Variants in GALNT2 observed in about 807,000 individuals in gnomAD.
GALNT2 encodes the protein polypeptide N-acetylgalactosaminyltransferase 2.
A neutral mutation model predicts 81.4 loss-of-function variants in GALNT2; 31 were observed. The ratio of observed to expected loss-of-function variants is 0.38; its 90% CI spans 0.29 to 0.51. GALNT2 has a LOEUF of 0.51. GALNT2 is among the 20% of genes least tolerant of loss of function. GALNT2 has a pLI of 0.87. For synonymous variants in GALNT2, 303 were observed against 287.4 expected, an observed-to-expected ratio of 1.05 and a Z score of -0.55; for missense variants, 629 against 765.7, an observed-to-expected ratio of 0.82 and a Z score of 2.11.
At chr1:230,210,744 T>C (rs1664208843) in intron 3 of GALNT2, among the ~76,000 whole-genome samples, 1 of 152,234 alleles carries the variant, frequency 6.6e-6, no homozygotes, top group Non-Finnish European at 1.5e-5. Context: ...TAAGGGTGTA[T>C]TCTTTTATTT....
At chr1:230,069,336 A>G (rs1203468048) in intron 1 of GALNT2, among the ~76,000 whole-genome samples, 1 of 151,762 alleles carries the variant, frequency 6.6e-6, no homozygotes, top group Non-Finnish European at 1.5e-5. Flanking sequence ...AGGTACGGAG[A>G]CCAGGTAGAA....
At chr1:230,094,961 G>T (rs1048417710) in intron 1 of GALNT2, among the ~76,000 whole-genome samples, 1 of 152,168 alleles carries the variant, frequency 6.6e-6, no homozygotes, top group African/African-American at 2.4e-5. Flanking sequence ...TGGAGATGAT[G>T]CAAGTGGACC....
intron 15 of GALNT2, among the ~76,000 whole-genome samples, chr1:230,276,498 G>C (rs763737784): frequency 6.6e-6 from 1 of 152,172 alleles, no homozygotes; most frequent in Non-Finnish European, 1.5e-5. Context: ...AAAAGTCTCA[G>C]AAAGTCATTG....
chr1:230,212,912 A>G (rs1664277804), intron 3 of GALNT2, among the ~76,000 whole-genome samples: 1 of 152,070 alleles, frequency 6.6e-6, no homozygotes. Flanking sequence ...AGACTGGTAT[A>G]AGTAGACTGT....
chr1:230,130,521 C>G (rs1661334397), intron 1 of GALNT2, among the ~76,000 whole-genome samples: 1 of 152,182 alleles, frequency 6.6e-6, no homozygotes, highest in South Asian at 2.1e-4. Context: ...CAGTTTGATA[C>G]AGAGGCAGTT....
chr1:230,139,999 CA>C, intron 1 of GALNT2, among the ~76,000 whole-genome samples: 1 of 152,338 alleles, frequency 6.6e-6, no homozygotes, highest in African/African-American at 2.4e-5. Context: ...CAGCCTTCCT[CA>C]GACATCCTGC....
intron 1 of GALNT2, among the ~76,000 whole-genome samples, chr1:230,078,326 T>A (rs1343923316): frequency 6.6e-6 from 1 of 152,184 alleles, no homozygotes; most frequent in Non-Finnish European, 1.5e-5. Flanking sequence ...AGTTGACCAG[T>A]GGGTTCATGG....
intron 11 of GALNT2, chr1:230,259,078 G>A (rs573356162): frequency 3.0e-4 from 46 of 152,326 alleles, no homozygotes; most frequent in African/African-American, 1.0e-3. Flanking sequence ...CTTTACCTCA[G>A]TTGACTCATC....
At chr1:230,121,042 C>G (rs111595533) in intron 1 of GALNT2, among the ~76,000 whole-genome samples, 2 of 152,224 alleles carry the variant, frequency 1.3e-5, no homozygotes, top group African/African-American at 4.8e-5. Context: ...GTGGTTCTCC[C>G]TGGTACTGCA....
At chr1:230,185,907 C>G (rs115285232) in intron 2 of GALNT2, among the ~76,000 whole-genome samples, 1 of 152,154 alleles carries the variant, frequency 6.6e-6, no homozygotes, top group African/African-American at 2.4e-5. Flanking sequence ...TTCCTACCCC[C>G]GTAGTGGATC....
intron 6 of GALNT2, among the ~76,000 whole-genome samples, chr1:230,238,012 G>A (rs188508075): frequency 1.2e-3 from 178 of 152,334 alleles, no homozygotes; most frequent in Non-Finnish European, 1.9e-3. Flanking sequence ...GGTTGAACCC[G>A]TGCTGATACG....
At chr1:230,188,921 A>G (rs987137662) in intron 2 of GALNT2, among the ~76,000 whole-genome samples, 2 of 152,052 alleles carry the variant, frequency 1.3e-5, no homozygotes, top group African/African-American at 4.8e-5. Flanking sequence ...TCTCCCTGTA[A>G]TTGTCTCTGA....
At chr1:230,109,403 C>T (rs1219747161) in intron 1 of GALNT2, among the ~76,000 whole-genome samples, 1 of 152,208 alleles carries the variant, frequency 6.6e-6, no homozygotes, top group African/African-American at 2.4e-5. Flanking sequence ...GCCACAAAGG[C>T]AGCCCTGTCA....
chr1:230,103,930 TC>T (rs1660469119), intron 1 of GALNT2, among the ~76,000 whole-genome samples: 1 of 152,168 alleles, frequency 6.6e-6, no homozygotes, highest in Non-Finnish European at 1.5e-5. Flanking sequence ...TAGCAGCATC[TC>T]CCAGAGCGAC....
At chr1:230,059,997 A>G (rs1018310625) in intron 1 of GALNT2, among the ~76,000 whole-genome samples, 18 of 152,220 alleles carry the variant, frequency 1.2e-4, no homozygotes, top group African/African-American at 4.1e-4. Context: ...AGACTATGCT[A>G]TAGTCCGTAG....
chr1:230,262,789 G>T, intron 12 of GALNT2, 124 bp downstream of exon 12: 1 of 1,298,098 alleles, frequency 7.7e-7, no homozygotes. Context: ...GGGGTTGTGG[G>T]CACAGGAGCA....
chr1:230,243,316 C>T lies in GALNT2; in HGVS notation c.618C>T (p.Arg206=). The T allele has an allele frequency of 6.2e-7, 1 of 1,606,002 alleles. No individual in the cohort carries two copies. Reference sequence around the variant, plus strand: ...AACTCGCCTCTGCAGGCCTCATGCGCTCACGGGTTCGGGGGGCCGATGCTG... The same window carrying T: ...AACTCGCCTCTGCAGGCCTCATGCGTTCACGGGTTCGGGGGGCCGATGCTG... ...LRNDRREGLM[R]SRVRGADAAQ... Residue 206 remains arginine (R), a synonymous_variant, in exon 7 of 16, where the codon CGC becomes CGT. Coordinates refer to ENST00000366672, the MANE Select transcript of GALNT2 (RefSeq NM_004481.5). The surrounding 1 kb of genome is among the most constrained non-coding windows in gnomAD (Gnocchi z 4.2).
Position 230,246,140 on chromosome 1 carries a change from C to G in GALNT2, c.807C>G (p.Asp269Glu). ...DNFQYVGASADLKGGFDWNLV... is the reference protein window; with the variant it reads ...DNFQYVGASAELKGGFDWNLV... ...TTCAGTATGTGGGGGCATCTGCTGA[C>G]TTGAAGGGCGGTAGGTGTCTGTCAT... The change falls in exon 8 of 16, where the codon GAC (aspartate) becomes GAG (glutamate). Residue 269 changes from aspartate (D) to glutamate (E), a missense_variant. Coordinates refer to ENST00000366672, the MANE Select transcript of GALNT2 (RefSeq NM_004481.5). The G allele has an allele frequency of 6.2e-7, 1 of 1,613,684 alleles. No homozygotes were observed.
chr1:230,181,372 T>C (rs1215961868), intron 2 of GALNT2, among the ~76,000 whole-genome samples: 1 of 152,218 alleles, frequency 6.6e-6, no homozygotes, highest in African/African-American at 2.4e-5. Context: ...CTTGCTTAGC[T>C]AGTGGACATG....
Sources: allele counts gnomAD v4.1 joint callset (sites outside exome capture counted in the v4.1 genomes callset), GRCh38; gene constraint gnomAD v4.1.1; non-coding constraint Gnocchi (gnomAD v3.1); transcripts MANE v1.5; gene names NCBI Gene and HGNC (gene_info 2026-07-23, HGNC 2026-07-21).